Variants in ULK4 observed in about 807,000 individuals in gnomAD.
The protein encoded by ULK4 is unc-51 like kinase 4.
Under a neutral mutation model 160.6 loss-of-function variants are expected in ULK4, and 133 were observed. The ratio of observed to expected loss-of-function variants is 0.83; its 90% CI spans 0.72 to 0.96. The LOEUF is 0.96. Among genes scored for constraint, ULK4 ranks in the 40% least tolerant of loss-of-function variants. The probability of loss-of-function intolerance (pLI) is 0.00; values close to 1 mark genes in which losing one functional copy is unlikely to be tolerated. For synonymous variants in ULK4, 534 were observed against 539.8 expected (o/e 0.99, Z 0.15); for missense variants, 1,580 against 1,499.5 (o/e 1.05, Z -0.89).
At chr3:41,878,770 C>A (rs923425564) in intron 17 of ULK4, among the ~76,000 whole-genome samples, 35 of 149,878 alleles carry the variant, frequency 2.3e-4, no homozygotes, top group African/African-American at 8.1e-4. Context: ...TATAATAAGG[C>A]TGACAACATC....
At chr3:41,725,272 G>A (rs1264232059) in intron 22 of ULK4, among the ~76,000 whole-genome samples, 1 of 152,118 alleles carries the variant, frequency 6.6e-6, no homozygotes, top group African/African-American at 2.4e-5. Context: ...AAATCTACCT[G>A]TATTGATCTT....
intron 32 of ULK4, among the ~76,000 whole-genome samples, chr3:41,503,132 T>C (rs553533984): frequency 2.2e-4 from 33 of 152,302 alleles, no homozygotes; most frequent in South Asian, 1.4e-3. Flanking sequence ...AGAGAACATA[T>C]AGACCCACAC....
At chr3:41,842,180 AAAAAAAAAAT>A (rs2041946721) in intron 17 of ULK4, among the ~76,000 whole-genome samples, 1 of 137,832 alleles carries the variant, frequency 7.3e-6, no homozygotes, top group South Asian at 2.2e-4. Context: ...TGAACATGTA[AAAAAAAAAAT>A]AAAAAAAAAG....
rs202027434 is a variant in ULK4 at position 41,843,416 on chromosome 3, T to TA, written c.1657-7446dup. Among the ~76,000 whole-genome samples, 1,180 of 152,322 alleles carry TA rather than the reference T, an allele frequency of 7.7e-3. 42 individuals carry two copies. In the East Asian group the frequency reaches 0.12, roughly 16 times the overall value. On this transcript the variant is annotated intron_variant, in intron 17 of 36. Transcript: ENST00000301831. ...AGCTGCGGACCCTCGCGGTGAGTGT[T>TA]ACAGTTCTTAAAGGCGGTGTGTCGG... is the stretch of plus-strand genomic sequence containing the variant.
At chr3:41,631,135 G>A (rs191220374) in intron 30 of ULK4, among the ~76,000 whole-genome samples, 14 of 152,278 alleles carry the variant, frequency 9.2e-5, no homozygotes, top group African/African-American at 3.4e-4. Context: ...TCCTTGAAAT[G>A]TTTGTCCTTG....
At chr3:41,894,162 T>C (rs1285275295) in intron 16 of ULK4, among the ~76,000 whole-genome samples, 1 of 152,220 alleles carries the variant, frequency 6.6e-6, no homozygotes, top group Non-Finnish European at 1.5e-5. Flanking sequence ...TGATCTGGAA[T>C]GTCTGTTTTA....
At chr3:41,658,733 A>ACACACACACACACACACACACACACTGT (rs2035034517) in intron 30 of ULK4, among the ~76,000 whole-genome samples, 1 of 131,584 alleles carries the variant, frequency 7.6e-6, no homozygotes, top group Admixed American at 8.4e-5. Context: ...AACAGTACAC[A>ACACACACACACACACACACACACACTGT]CACACACACA....
chr3:41,542,137 G>T (rs534905439), intron 32 of ULK4, among the ~76,000 whole-genome samples: 1 of 152,272 alleles, frequency 6.6e-6, no homozygotes, highest in South Asian at 2.1e-4. Context: ...CATTCAGTAT[G>T]ATATTGGCTG....
At chr3:41,717,941 G>C (rs1007871473) in intron 22 of ULK4, 80 bp from the exon 23 acceptor site, 25 of 1,521,298 alleles carry the variant, frequency 1.6e-5, no homozygotes, top group Admixed American at 3.4e-5. Context: ...GCCAAGGCAA[G>C]TGTTTCCAGA....
At chr3:41,837,016 G>A (rs529370863) in intron 17 of ULK4, among the ~76,000 whole-genome samples, 4 of 152,190 alleles carry the variant, frequency 2.6e-5, no homozygotes, top group Admixed American at 6.5e-5. Context: ...GCACAGACAA[G>A]ACTATTTCTT....
At chr3:41,650,321 T>G (rs1180410688) in intron 30 of ULK4, among the ~76,000 whole-genome samples, 2 of 152,174 alleles carry the variant, frequency 1.3e-5, no homozygotes, top group African/African-American at 4.8e-5. Context: ...CTCGCCATGT[T>G]GCAAGAGACA....
intron 30 of ULK4, among the ~76,000 whole-genome samples, chr3:41,641,508 G>C (rs543072395): frequency 1.9e-4 from 29 of 152,224 alleles, no homozygotes; most frequent in African/African-American, 6.7e-4. Flanking sequence ...ACCACTCTGG[G>C]CAACACAGGG....
Position 41,674,848 on chromosome 3 carries a change from T to TG in ULK4, c.2978+6659dup, listed in dbSNP as rs538591458. ...CATGAGACAGCAAAGATATGGGTAC[T>TG]GTAACCCTACAAATGCACCATGGGT... On this transcript the variant is annotated intron_variant, in intron 29 of 36. Transcript: ENST00000301831. Among the ~76,000 whole-genome samples, 39 of 152,334 alleles carry TG rather than the reference T, an allele frequency of 2.6e-4. No individual in the cohort carries two copies. In the East Asian group the frequency reaches 6.2e-3, roughly 24 times the overall value.
intron 35 of ULK4, among the ~76,000 whole-genome samples, chr3:41,388,733 T>G (rs1347642310): frequency 6.6e-6 from 1 of 152,096 alleles, no homozygotes; most frequent in Non-Finnish European, 1.5e-5. Context: ...CATTGATCTA[T>G]ATCTCTGTTT....
At chr3:41,492,747 T>C (rs1339020063) in intron 32 of ULK4, among the ~76,000 whole-genome samples, 1 of 150,182 alleles carries the variant, frequency 6.7e-6, no homozygotes, top group Admixed American at 6.6e-5. Flanking sequence ...ACCAAACAAA[T>C]GGAAAACAAA....
chr3:41,524,030 C>A (rs888079549), intron 32 of ULK4, among the ~76,000 whole-genome samples: 3 of 152,154 alleles, frequency 2.0e-5, no homozygotes, highest in African/African-American at 7.2e-5. Flanking sequence ...AGCCAAAAAA[C>A]CCCATGCTGC....
At chr3:41,704,119 T>C (rs1397312559) in intron 27 of ULK4, among the ~76,000 whole-genome samples, 2 of 152,216 alleles carry the variant, frequency 1.3e-5, no homozygotes, top group African/African-American at 2.4e-5. Context: ...GGTTAGTTGT[T>C]GGAAATTTGA....
In ULK4 at chr3:41,455,505, T is replaced by C. The variant is rs377014998; in HGVS notation, c.3484A>G (p.Ile1162Val). ...RPLTDLISLL[I>V]PLLPNEDPEI... is the part of the protein sequence containing the mutation. ...TACAGGTGAGCTCTTACCAGTGGAATGAGCAGGCTAATCAGGTCTGTCAGA... is the reference window on the plus strand; with the variant it reads ...TACAGGTGAGCTCTTACCAGTGGAACGAGCAGGCTAATCAGGTCTGTCAGA... The change falls in exon 34 of 37, where the codon ATT (isoleucine) becomes GTT (valine). Residue 1162 changes from isoleucine (I) to valine (V), a missense_variant. Coordinates refer to ENST00000301831, the MANE Select transcript of ULK4 (RefSeq NM_017886.4). 7.4e-6 allele frequency: 12 copies of C among 1,613,686 alleles called. No homozygotes were observed. The African/African-American group carries it at 1.6e-4, about 22-fold the overall frequency.
chr3:41,600,729 G>T (rs1245700535), intron 31 of ULK4, among the ~76,000 whole-genome samples: 1 of 152,164 alleles, frequency 6.6e-6, no homozygotes, highest in East Asian at 1.9e-4. Flanking sequence ...ATTTACATCT[G>T]CCTCCACAGT....
Sources: allele counts gnomAD v4.1 joint callset (sites outside exome capture counted in the v4.1 genomes callset), GRCh38; gene constraint gnomAD v4.1.1; transcripts MANE v1.5; gene names NCBI Gene and HGNC (gene_info 2026-07-23, HGNC 2026-07-21).